Variants in PCLO observed in about 807,000 individuals in gnomAD.
The protein encoded by PCLO is protein piccolo.
In PCLO, 82 loss-of-function variants were observed where a neutral mutation model predicts 427.5. The ratio of observed to expected loss-of-function variants is 0.19; its 90% CI spans 0.16 to 0.23. PCLO has a LOEUF of 0.23. Ranked by LOEUF, PCLO falls within the 10% of genes least tolerant of loss-of-function variation. The pLI, the probability that PCLO is intolerant of heterozygous loss-of-function variation, is 1.00. For synonymous variants in PCLO, 2,357 were observed against 2,155.4 expected, an observed-to-expected ratio of 1.09 and a Z score of -2.59; for missense variants, 6,239 against 6,115.9, an observed-to-expected ratio of 1.02 and a Z score of -0.67.
intron 10 of PCLO, among the ~76,000 whole-genome samples, chr7:82,852,182 G>A (rs754110280): frequency 1.3e-5 from 2 of 151,984 alleles, no homozygotes; most frequent in African/African-American, 4.8e-5. Context: ...TTAAACTAGG[G>A]TATATTTTCC....
chr7:82,804,408 T>A (rs961426697), intron 21 of PCLO, among the ~76,000 whole-genome samples: 1 of 152,246 alleles, frequency 6.6e-6, no homozygotes, highest in Non-Finnish European at 1.5e-5. Context: ...CTATTTTCAC[T>A]AATGCTTTGC....
At chr7:83,120,752 A>C (rs1445402977) in intron 3 of PCLO, among the ~76,000 whole-genome samples, 1 of 152,176 alleles carries the variant, frequency 6.6e-6, no homozygotes, top group African/African-American at 2.4e-5. Flanking sequence ...ATGACCTTCA[A>C]ACATGAAGGA....
intron 6 of PCLO, among the ~76,000 whole-genome samples, chr7:82,949,271 ACAC>A (rs1218629903): frequency 2.0e-5 from 3 of 151,908 alleles, no homozygotes; most frequent in Middle Eastern, 3.4e-3. Flanking sequence ...ACACACACAC[ACAC>A]AAGCGCACAC....
intron 6 of PCLO, among the ~76,000 whole-genome samples, chr7:82,929,607 T>C (rs1195217057): frequency 6.6e-6 from 1 of 152,176 alleles, no homozygotes; most frequent in East Asian, 1.9e-4. Flanking sequence ...AAGTAAGCCA[T>C]AACTATGAGA....
intron 2 of PCLO, among the ~76,000 whole-genome samples, chr7:83,150,934 A>G (rs533170941): frequency 6.6e-6 from 1 of 152,290 alleles, no homozygotes; most frequent in Admixed American, 6.5e-5. Flanking sequence ...TCTTTGGAAG[A>G]TGCAGATTTA....
At chr7:82,919,416 T>C (rs1367610879) in intron 6 of PCLO, among the ~76,000 whole-genome samples, 2 of 151,966 alleles carry the variant, frequency 1.3e-5, no homozygotes, top group Non-Finnish European at 2.9e-5. Flanking sequence ...CTCCAGAATA[T>C]TGCTGCCATG....
At chr7:83,064,478 T>A (rs1020178935) in intron 3 of PCLO, among the ~76,000 whole-genome samples, 1 of 152,040 alleles carries the variant, frequency 6.6e-6, no homozygotes. Context: ...TATCAGCTCA[T>A]AATGAACACA....
chr7:83,085,923 T>C (rs555987618), intron 3 of PCLO, among the ~76,000 whole-genome samples: 108 of 152,296 alleles, frequency 7.1e-4, no homozygotes, highest in Non-Finnish European at 1.2e-3. Context: ...GCGGTACTAA[T>C]GCTATAATTA....
Position 82,949,713 on chromosome 7 carries a change from T to C in PCLO, c.10875A>G (p.Ser3625=). The change falls in exon 6 of 25, where the codon TCA becomes TCG. Residue 3625 remains serine (S), a synonymous_variant. Transcript: ENST00000333891. ...TGCCTGGTGAAAGTGGTGAGATGGGTGAGTAAAGGACTTTGGGGGATTTGG... is the reference window on the plus strand; with the variant it reads ...TGCCTGGTGAAAGTGGTGAGATGGGCGAGTAAAGGACTTTGGGGGATTTGG... ...SPPKSPKVLY[S]PISPLSPGKA... The C allele has an allele frequency of 1.2e-6, 2 of 1,613,638 alleles. No individual in the cohort carries two copies. Among genetic ancestry groups the C allele is most frequent in the Middle Eastern group, 1.7e-4 (1 of 6,060 alleles).
Position 83,135,255 on chromosome 7 carries a change from G to A in PCLO, c.2295C>T (p.Asp765=), listed in dbSNP as rs371981613. The change falls in exon 3 of 25, where the codon GAC becomes GAT. Residue 765 remains aspartate (D), a synonymous_variant. Coordinates refer to ENST00000333891, the MANE Select transcript of PCLO (RefSeq NM_033026.6). ...TTGTTGCTGATGATGAAGATACAAG[G>A]TCAGTGGTTGGCTTTACCATCTTGG... is the stretch of plus-strand genomic sequence containing the variant. ...KQPKMVKPTT[D]LVSSSSATTK... is the part of the protein sequence containing the mutation. 6.2e-6 allele frequency: 10 copies of A among 1,613,876 alleles called. No individual in the cohort carries two copies. Among genetic ancestry groups the A allele is most frequent in the Admixed American group, 1.7e-5 (1 of 60,006 alleles).
intron 16 of PCLO, among the ~76,000 whole-genome samples, chr7:82,831,399 A>G (rs1236758216): frequency 6.6e-6 from 1 of 152,092 alleles, no homozygotes; most frequent in Non-Finnish European, 1.5e-5. Flanking sequence ...TGTCTTCTTT[A>G]TAATCTAAAA....
intron 22 of PCLO, among the ~76,000 whole-genome samples, chr7:82,801,263 C>T (rs1281351235): frequency 6.9e-6 from 1 of 144,318 alleles, no homozygotes; most frequent in Non-Finnish European, 1.5e-5. Context: ...TTTTTCATGT[C>T]ATCCTTCTCA....
At chr7:82,821,606 C>A in intron 20 of PCLO, 1 of 966,518 alleles carries the variant, frequency 1.0e-6, no homozygotes, top group Non-Finnish European at 1.2e-6. Context: ...TTATATCAAT[C>A]GACTAAATTT....
In PCLO at chr7:82,951,942, T is replaced by C. The variant is rs775930899; in HGVS notation, c.9011A>G (p.His3004Arg). 1 of 1,613,776 alleles carries C rather than the reference T, an allele frequency of 6.2e-7. No homozygotes were observed. Among genetic ancestry groups the C allele is most frequent in the Non-Finnish European group, 8.5e-7 (1 of 1,179,856 alleles). The change falls in exon 5 of 25, where the codon CAT (histidine) becomes CGT (arginine). Residue 3004 changes from histidine (H) to arginine (R), a missense_variant. By Grantham distance (29) the His-to-Arg change is conservative. Transcript: ENST00000333891. ...AGCATTCTTACTTTTATAGAAAAAA[T>C]GTCCAGCTTCTGCTAAATTTGTGTC... ...MSDTNLAEAG[H>R]FFYKSKNAFD...
intron 22 of PCLO, among the ~76,000 whole-genome samples, chr7:82,776,847 T>C (rs13235327): frequency 5.0e-5 from 5 of 99,802 alleles, no homozygotes; most frequent in East Asian, 3.2e-4. Context: ...CACACACACA[T>C]ATACACATAT....
At chr7:83,107,745 C>G (rs1482176716) in intron 3 of PCLO, among the ~76,000 whole-genome samples, 1 of 92,736 alleles carries the variant, frequency 1.1e-5, no homozygotes, top group Non-Finnish European at 2.3e-5. Flanking sequence ...AATCCCAGCA[C>G]TTTGGGAGGC....
At chr7:83,106,386 T>C (rs1371710411) in intron 3 of PCLO, among the ~76,000 whole-genome samples, 3 of 152,142 alleles carry the variant, frequency 2.0e-5, no homozygotes, top group Admixed American at 6.6e-5. Context: ...CAAGTGTCCA[T>C]CACAAGAGGC....
rs117715206 is a variant in PCLO at position 82,770,068 on chromosome 7, C to T, written c.15008-8575G>A. On this transcript the variant is annotated intron_variant, in intron 22 of 24. Coordinates refer to ENST00000333891, the MANE Select transcript of PCLO (RefSeq NM_033026.6). ...GCCAAAGTAGTGATGTATATTCCCACAAGTGTAATTTGATTTTCCTTCCTT... is the reference window on the plus strand; with the variant it reads ...GCCAAAGTAGTGATGTATATTCCCATAAGTGTAATTTGATTTTCCTTCCTT... Among the ~76,000 whole-genome samples the T allele has an allele frequency of 2.5e-4, 38 of 152,204 alleles. No homozygotes were observed. In the East Asian group the frequency reaches 6.6e-3, roughly 26 times the overall value.
intron 8 of PCLO, among the ~76,000 whole-genome samples, chr7:82,904,395 C>T (rs1794131945): frequency 6.6e-6 from 1 of 151,534 alleles, no homozygotes; most frequent in South Asian, 2.1e-4. Context: ...CTTTTCTTTT[C>T]CTAATATGCA....
Sources: gnomAD v4.1 joint callset for allele counts (sites outside exome capture counted in the v4.1 genomes callset) on GRCh38, gnomAD v4.1.1 for gene constraint, MANE v1.5 for transcripts, NCBI Gene and HGNC (gene_info 2026-07-23, HGNC 2026-07-21) for gene names.